Variants in RESF1 observed in about 807,000 individuals in gnomAD.
RESF1 encodes the protein retroelement silencing factor 1.
RESF1 carries 65 observed loss-of-function variants against 134.7 expected under a neutral mutation model. The observed-to-expected ratio is 0.48, with a 90% CI of 0.40 to 0.59. The LOEUF (loss-of-function observed/expected upper bound fraction) is 0.59. RESF1 is among the 20% of genes least tolerant of loss of function. The pLI is 0.00. For synonymous variants in RESF1, 762 were observed against 702.2 expected (o/e 1.09, Z -1.35); for missense variants, 2,274 against 2,002.7 (o/e 1.14, Z -2.59).
chr12:31,963,558 A>G (rs1223575622), intron 2 of RESF1, among the ~76,000 whole-genome samples: 4 of 152,196 alleles, frequency 2.6e-5, no homozygotes, highest in African/African-American at 7.2e-5. Context: ...TTTTGTAACT[A>G]TAGTTAGAGA....
chr12:31,973,721 A>G (rs531511391), intron 3 of RESF1, among the ~76,000 whole-genome samples: 1 of 151,936 alleles, frequency 6.6e-6, no homozygotes, highest in East Asian at 1.9e-4. Flanking sequence ...TTCCCTTCCT[A>G]CCCATATGCT....
chr12:31,977,832 G>A (rs1592257321), intron 3 of RESF1, among the ~76,000 whole-genome samples: 1 of 134,566 alleles, frequency 7.4e-6, no homozygotes, highest in South Asian at 2.4e-4. Flanking sequence ...TGAGACAAGA[G>A]CTCATTCTGC....
At chr12:31,964,769 A>G (rs1939360648) in intron 2 of RESF1, among the ~76,000 whole-genome samples, 1 of 152,146 alleles carries the variant, frequency 6.6e-6, no homozygotes, top group Admixed American at 6.5e-5. Flanking sequence ...TATCTATTCA[A>G]AACTTTTGGC....
At position 31,985,272 on chromosome 12, in the gene RESF1, A is replaced by G. The variant is rs1939939467; in HGVS notation, c.4317A>G (p.Lys1439=). 1.9e-6 allele frequency: 3 copies of G among 1,612,192 alleles called. No homozygotes were observed. The highest frequency in any genetic ancestry group is 2.5e-6 in the Non-Finnish European group (3 of 1,179,606). ...TAGACACGAAAGCGAGTTCATCTAA[A>G]TTTAGTAGAATTCTAACTCCTAAGG... ...KSVDTKASSS[K]FSRILTPKEY... The change falls in exon 4 of 6, where the codon AAA becomes AAG. Residue 1439 remains lysine, a synonymous_variant. Transcript: ENST00000312561.
rs533929742 is a variant in RESF1, at chr12:31,991,146, C to T, written c.5087-1232C>T. Among the ~76,000 whole-genome samples the T allele has an allele frequency of 2.6e-3, 399 of 150,852 alleles. 3 individuals are homozygous for T. The highest frequency in any genetic ancestry group is 9.4e-3 in the African/African-American group (388 of 41,116). ...CCCAGGAGTTGAGGCTGCAATAAGC[C>T]CTGATGCAGCACTGCACTCCAGCCT... On this transcript the variant is annotated intron_variant, in intron 5 of 5. Coordinates refer to ENST00000312561, the MANE Select transcript of RESF1 (RefSeq NM_018169.4).
At chr12:31,977,742 C>T (rs1253135471) in intron 3 of RESF1, among the ~76,000 whole-genome samples, 1 of 151,370 alleles carries the variant, frequency 6.6e-6, no homozygotes, top group Non-Finnish European at 1.5e-5. Context: ...GCTTGTTACC[C>T]CAAAAAATCA....
In RESF1 at chr12:31,982,634, A is replaced by G. The variant is rs374427167; in HGVS notation, c.1679A>G (p.Glu560Gly). The change falls in exon 4 of 6, where the codon GAA becomes GGA. Residue 560 changes from glutamate to glycine, a missense_variant. Glu to Gly is a moderately conservative substitution (Grantham distance 98). Coordinates refer to ENST00000312561, the MANE Select transcript of RESF1 (RefSeq NM_018169.4). ...KVEQNSPAVC[E>G]TISVPKSMST... ...GAGCAAAATTCACCAGCAGTTTGTG[A>G]AACAATTTCTGTTCCCAAGTCCATG... is the stretch of plus-strand genomic sequence containing the variant. The G allele has an allele frequency of 1.1e-4, 180 of 1,614,066 alleles. No homozygotes were observed. The highest frequency in any genetic ancestry group is 1.5e-4 in the Non-Finnish European group (176 of 1,180,020).
At chr12:31,961,075 T>C (rs1216703979) in intron 2 of RESF1, among the ~76,000 whole-genome samples, 1 of 152,246 alleles carries the variant, frequency 6.6e-6, no homozygotes, top group East Asian at 1.9e-4. Context: ...AAATCAGTTG[T>C]TAATCTTAGC....
chr12:31,981,300 C>T lies in RESF1; in HGVS notation c.345C>T (p.Thr115=). 4 of 1,613,990 alleles carry T rather than the reference C, an allele frequency of 2.5e-6. No individual in the cohort carries two copies. Among genetic ancestry groups the T allele is most frequent in the African/African-American group, 2.7e-5 (2 of 75,010 alleles). ...THNLQMSSGV[T]QNVWLNSPMR... ...ATTTGCAGATGTCTTCAGGAGTTACCCAAAACGTATGGTTGAACTCACCAA... is the reference window on the plus strand; with the variant it reads ...ATTTGCAGATGTCTTCAGGAGTTACTCAAAACGTATGGTTGAACTCACCAA... The change falls in exon 4 of 6, where the codon ACC becomes ACT. Residue 115 remains threonine (T), a synonymous_variant. Transcript: ENST00000312561.
intron 4 of RESF1, among the ~76,000 whole-genome samples, chr12:31,986,548 GTTATAATT>G: frequency 6.6e-6 from 1 of 152,186 alleles, no homozygotes; most frequent in Non-Finnish European, 1.5e-5. Flanking sequence ...ATTGTCCAGT[GTTATAATT>G]TAAAATCTTT....
chr12:31,977,432 C>T (rs1399253126), intron 3 of RESF1, among the ~76,000 whole-genome samples: 3 of 152,088 alleles, frequency 2.0e-5, no homozygotes, highest in African/African-American at 7.2e-5. Flanking sequence ...GTGATCTGCC[C>T]GCCTCGGCCT....
At chr12:31,989,890 A>G (rs1940060264) in intron 5 of RESF1, among the ~76,000 whole-genome samples, 1 of 152,154 alleles carries the variant, frequency 6.6e-6, no homozygotes, top group Admixed American at 6.6e-5. Flanking sequence ...TGCATATGGG[A>G]AAAACTTGCA....
rs1939960517 is a variant in RESF1, at chr12:31,985,847, A to G, written c.4892A>G (p.Asn1631Ser). The change falls in exon 4 of 6, where the codon AAC (asparagine) becomes AGC (serine). Residue 1631 changes from asparagine to serine, a missense_variant. Physicochemically the swap from Asn to Ser is conservative, Grantham distance 46 (BLOSUM62 1). Transcript: ENST00000312561. Reference sequence around the variant, plus strand: ...GTGAAAGGTAACACAGAAAAATCAAACATGCTGGAGTTTAAATTATGTCCA... The same window carrying G: ...GTGAAAGGTAACACAGAAAAATCAAGCATGCTGGAGTTTAAATTATGTCCA... ...LPVKGNTEKS[N>S]MLEFKLCPDI... The G allele has an allele frequency of 6.4e-7, 1 of 1,564,520 alleles. No homozygotes were observed. Among genetic ancestry groups the G allele is most frequent in the East Asian group, 2.3e-5 (1 of 44,392 alleles).
intron 5 of RESF1, 105 bp downstream of exon 5, chr12:31,987,427 C>CTTTTT: frequency 2.0e-6 from 1 of 488,288 alleles, no homozygotes; most frequent in East Asian, 4.3e-5. Context: ...TATCCATGTT[C>CTTTTT]TTTTTTTTTT....
chr12:31,981,136 C>T lies in RESF1; in HGVS notation c.181C>T (p.Gln61Ter), dbSNP rs757192981. 1 of 1,614,174 alleles carries T rather than the reference C, an allele frequency of 6.2e-7. No individual in the cohort carries two copies. The highest frequency in any genetic ancestry group is 8.5e-7 in the Non-Finnish European group (1 of 1,180,012). ...MYPGNSNPISQPLLNIQNYPQ... is the reference protein window; with the variant it reads ...MYPGNSNPIS ...TCCCGGTAATTCAAATCCAATTTCA[C>T]AGCCACTGCTGAATATCCAAAATTA... The change falls in exon 4 of 6, where the codon CAG becomes TAG. Residue 61 changes from glutamine (Q) to a stop codon, truncating the protein, a stop_gained. Coordinates refer to ENST00000312561, the MANE Select transcript of RESF1 (RefSeq NM_018169.4). LOFTEE classifies it high-confidence loss of function.
intron 5 of RESF1, 144 bp from the exon 6 acceptor site, chr12:31,992,234 A>C: frequency 1.4e-6 from 1 of 699,568 alleles, no homozygotes; most frequent in Non-Finnish European, 2.5e-6. Context: ...CTATAAGTGA[A>C]GAGCTATGGT....
At position 31,984,917 on chromosome 12, in the gene RESF1, C is replaced by T; in HGVS notation, c.3962C>T (p.Thr1321Ile). ...TCTTATGAACAAGCTTCTCAGGAAA[C>T]CCGACAGAAGAAACATGTAACACAG... ...TASYEQASQE[T>I]RQKKHVTQNS... Residue 1321 changes from threonine to isoleucine, a missense_variant, in exon 4 of 6, where the codon ACC becomes ATC. Physicochemically the swap from Thr to Ile is moderately conservative, Grantham distance 89. Transcript: ENST00000312561. The T allele has an allele frequency of 6.2e-7, 1 of 1,612,264 alleles. No individual in the cohort carries two copies. Among genetic ancestry groups the T allele is most frequent in the Non-Finnish European group, 8.5e-7 (1 of 1,179,606 alleles).
chr12:31,967,117 C>T (rs1428014331), intron 2 of RESF1, among the ~76,000 whole-genome samples: 2 of 152,176 alleles, frequency 1.3e-5, no homozygotes, highest in Admixed American at 6.5e-5. Flanking sequence ...GGTATACTTG[C>T]TGGCTATAAA....
At chr12:31,977,641 T>G (rs1939665958) in intron 3 of RESF1, among the ~76,000 whole-genome samples, 1 of 152,164 alleles carries the variant, frequency 6.6e-6, no homozygotes, top group Admixed American at 6.5e-5. Context: ...TTTCCTAACT[T>G]TGTCATAAAA....
Sources: gnomAD v4.1 joint callset for allele counts (sites outside exome capture counted in the v4.1 genomes callset) on GRCh38, gnomAD v4.1.1 for gene constraint, MANE v1.5 for transcripts, NCBI Gene and HGNC (gene_info 2026-07-23, HGNC 2026-07-21) for gene names.